TSPAN13: variants seen among roughly 807,000 people sequenced by gnomAD.
The protein encoded by TSPAN13 is tetraspanin-13.
Under a neutral mutation model 26.9 loss-of-function variants are expected in TSPAN13, and 18 were observed. The ratio of observed to expected loss-of-function variants is 0.67; its 90% CI spans 0.46 to 0.99. The LOEUF (loss-of-function observed/expected upper bound fraction) is 0.99. Ranked by LOEUF, TSPAN13 falls within the 50% of genes least tolerant of loss-of-function variation. The pLI is 0.00. For synonymous variants in TSPAN13, 116 were observed against 98.4 expected (o/e 1.18, Z -1.06); for missense variants, 201 against 249.6 (o/e 0.81, Z 1.31).
At chr7:16,778,915 T>C in intron 4 of TSPAN13, 88 bp from the exon 5 acceptor site, 1 of 937,074 alleles carries the variant, frequency 1.1e-6, no homozygotes, top group Admixed American at 2.7e-5. Context: ...ATAATACTCT[T>C]AGACACTAAT....
chr7:16,758,927 C>G (rs944286948), intron 1 of TSPAN13, among the ~76,000 whole-genome samples: 8 of 151,990 alleles, frequency 5.3e-5, no homozygotes, highest in African/African-American at 1.7e-4. Context: ...GTTTTTTATT[C>G]TAATAATGAA....
chr7:16,778,527 G>A lies in TSPAN13; in HGVS notation c.427-476G>A, dbSNP rs571836957. On this transcript the variant is annotated intron_variant, in intron 4 of 5. Coordinates refer to ENST00000262067, the MANE Select transcript of TSPAN13 (RefSeq NM_014399.4). ...CTGAAGCTTGGGGTCCTCTCCCCAC[G>A]CTCAGTGGTTGTTGGAAGAATTCAG... Among the ~76,000 whole-genome samples, 9 of 152,294 alleles carry A rather than the reference G, an allele frequency of 5.9e-5. No individual in the cohort carries two copies. In the East Asian group the frequency reaches 7.7e-4, roughly 13 times the overall value.
chr7:16,770,161 T>G (rs1784657061), intron 1 of TSPAN13, among the ~76,000 whole-genome samples: 1 of 151,340 alleles, frequency 6.6e-6, no homozygotes, highest in Non-Finnish European at 1.5e-5. Flanking sequence ...TATTCCCCTT[T>G]TATCTTTTTA....
chr7:16,755,045 G>A (rs559888836), intron 1 of TSPAN13, among the ~76,000 whole-genome samples: 1 of 152,098 alleles, frequency 6.6e-6, no homozygotes, highest in East Asian at 2.0e-4. Flanking sequence ...CTTTCCACAG[G>A]CTGTCTCTAC....
intron 4 of TSPAN13, among the ~76,000 whole-genome samples, chr7:16,778,256 C>A (rs946248715): frequency 3.3e-5 from 5 of 152,154 alleles, no homozygotes; most frequent in Non-Finnish European, 7.4e-5. Flanking sequence ...CATCTCTGAG[C>A]CCTAAGCTGA....
intron 1 of TSPAN13, among the ~76,000 whole-genome samples, chr7:16,770,440 C>T (rs1160390306): frequency 6.6e-6 from 1 of 152,144 alleles, no homozygotes; most frequent in Non-Finnish European, 1.5e-5. Flanking sequence ...GAACAACTGA[C>T]CTCAAGTGAT....
In TSPAN13 at chr7:16,764,078, C is replaced by T. The variant is rs190202800; in HGVS notation, c.63+10048C>T. Among the ~76,000 whole-genome samples the T allele has an allele frequency of 4.0e-3, 602 of 152,178 alleles. 3 individuals are homozygous for T. The highest frequency in any genetic ancestry group is 6.9e-3 in the Non-Finnish European group (468 of 68,016). On this transcript the variant is annotated intron_variant, in intron 1 of 5. Transcript: ENST00000262067. ...CTGTTGCCAGGCTGGAGTACAGTGG[C>T]GCAGTCTTGACTCACCGCAACCTCT...
intron 1 of TSPAN13, among the ~76,000 whole-genome samples, chr7:16,763,507 C>T (rs1384331408): frequency 6.6e-6 from 1 of 152,192 alleles, no homozygotes; most frequent in African/African-American, 2.4e-5. Context: ...CGCTTTTCAG[C>T]TTAGCTTGCC....
At chr7:16,776,918 T>A in intron 2 of TSPAN13, 124 bp from the exon 3 acceptor site, 1 of 499,230 alleles carries the variant, frequency 2.0e-6, no homozygotes, top group South Asian at 5.0e-5. Flanking sequence ...TTTCTCTAAG[T>A]GCCATCTGTT....
chr7:16,757,896 C>T (rs188435105), intron 1 of TSPAN13, among the ~76,000 whole-genome samples: 4 of 152,146 alleles, frequency 2.6e-5, no homozygotes, highest in African/African-American at 7.2e-5. Flanking sequence ...TGCAATGGCG[C>T]GATCTTGGCT....
chr7:16,771,005 A>G (rs1384445805), intron 1 of TSPAN13, among the ~76,000 whole-genome samples: 1 of 152,202 alleles, frequency 6.6e-6, no homozygotes, highest in Non-Finnish European at 1.5e-5. Flanking sequence ...CTGAAAATAC[A>G]GCTTTTTGGA....
intron 5 of TSPAN13, among the ~76,000 whole-genome samples, chr7:16,782,956 C>T (rs962946260): frequency 2.0e-5 from 3 of 152,176 alleles, no homozygotes; most frequent in African/African-American, 7.2e-5. Context: ...ATCTTCAAAG[C>T]TAGGAGAGTT....
At chr7:16,770,477 TG>T (rs1221693920) in intron 1 of TSPAN13, among the ~76,000 whole-genome samples, 1 of 152,236 alleles carries the variant, frequency 6.6e-6, no homozygotes, top group Non-Finnish European at 1.5e-5. Context: ...CCCAAAGTGT[TG>T]GGATTACAGG....
At chr7:16,760,640 C>T (rs1278039582) in intron 1 of TSPAN13, among the ~76,000 whole-genome samples, 13 of 152,152 alleles carry the variant, frequency 8.5e-5, no homozygotes, top group African/African-American at 3.1e-4. Flanking sequence ...GGCAGTGGTC[C>T]ATGGATTGAA....
At position 16,781,448 on chromosome 7, in the gene TSPAN13, G is replaced by A. The variant is rs1439364812; in HGVS notation, c.541-1969G>A. On this transcript the variant is annotated intron_variant, in intron 5 of 5. Transcript: ENST00000262067. ...CTAATCAAAGTTACCTTTGAAAAGTGCCCTCTTAATCATGAGCACTTTTGT... is the reference window on the plus strand; with the variant it reads ...CTAATCAAAGTTACCTTTGAAAAGTACCCTCTTAATCATGAGCACTTTTGT... 2.0e-5 allele frequency among the ~76,000 whole-genome samples: 3 copies of A among 152,284 alleles called. No individual in the cohort carries two copies. In the South Asian group the frequency reaches 6.2e-4, roughly 32 times the overall value.
chr7:16,783,295 C>G, intron 5 of TSPAN13, 122 bp from the exon 6 acceptor site: 1 of 937,710 alleles, frequency 1.1e-6, no homozygotes, highest in Non-Finnish European at 1.6e-6. Context: ...AAAATCTCTC[C>G]CCGTTGAACA....
intron 1 of TSPAN13, among the ~76,000 whole-genome samples, chr7:16,771,316 C>G (rs1457494285): frequency 1.3e-5 from 2 of 152,160 alleles, no homozygotes; most frequent in Non-Finnish European, 2.9e-5. Flanking sequence ...GCCCATGTTC[C>G]AAGAACCCTC....
Position 16,781,109 on chromosome 7 carries a change from G to T in TSPAN13, c.540+1993G>T, listed in dbSNP as rs1014800364. On this transcript the variant is annotated intron_variant, in intron 5 of 5. Coordinates refer to ENST00000262067, the MANE Select transcript of TSPAN13 (RefSeq NM_014399.4). ...ATACCTTTAAACAAACCTAAACCAT[G>T]AGAGAAACATTGATTTAGAATCTGA... Among the ~76,000 whole-genome samples, 4 of 152,234 alleles carry T rather than the reference G, an allele frequency of 2.6e-5. No homozygotes were observed. The South Asian group carries it at 8.3e-4, about 32-fold the overall frequency.
intron 1 of TSPAN13, among the ~76,000 whole-genome samples, chr7:16,762,314 C>G (rs1278180406): frequency 6.6e-6 from 1 of 152,214 alleles, no homozygotes; most frequent in Non-Finnish European, 1.5e-5. Context: ...TTGAGCACCT[C>G]TTAATGCTTC....
Sources: gnomAD v4.1 joint callset for allele counts (sites outside exome capture counted in the v4.1 genomes callset) on GRCh38, gnomAD v4.1.1 for gene constraint, MANE v1.5 for transcripts, NCBI Gene and HGNC (gene_info 2026-07-23, HGNC 2026-07-21) for gene names.